PCDHGB5: variants seen among roughly 807,000 people sequenced by gnomAD.
PCDHGB5 encodes the protein protocadherin gamma-B5.
Under a neutral mutation model 62.9 loss-of-function variants are expected in PCDHGB5, and 48 were observed. The observed-to-expected ratio is 0.76, with a 90% CI of 0.61 to 0.97. PCDHGB5 has a LOEUF of 0.97. PCDHGB5 is among the 50% of genes least tolerant of loss of function. The probability of loss-of-function intolerance (pLI) is 0.00; values close to 1 mark genes in which losing one functional copy is unlikely to be tolerated. For synonymous variants in PCDHGB5, 474 were observed against 511.2 expected (o/e 0.93, Z 0.98); for missense variants, 1,118 against 1,198.6 (o/e 0.93, Z 0.99).
chr5:141,499,322 T>C (rs1186220818), intron 2 of PCDHGB5, among the ~76,000 whole-genome samples: 1 of 152,218 alleles, frequency 6.6e-6, no homozygotes, highest in Non-Finnish European at 1.5e-5. Context: ...ACAGTATCCC[T>C]GCTCTCTCTC....
At chr5:141,423,397 C>T (rs759822483) in intron 1 of PCDHGB5, 3 of 1,614,146 alleles carry the variant, frequency 1.9e-6, no homozygotes, top group East Asian at 2.2e-5. Context: ...GCATAAGTCA[C>T]GCCTGCTGCA....
intron 1 of PCDHGB5, chr5:141,407,996 T>G: frequency 1.1e-6 from 1 of 872,310 alleles, no homozygotes; most frequent in Middle Eastern, 3.6e-4. Flanking sequence ...GCCTCTGGCC[T>G]GGGATTCCCT....
In PCDHGB5 at chr5:141,502,614, T is replaced by C. The variant is rs534996288; in HGVS notation, c.2457-2779T>C. Among the ~76,000 whole-genome samples the C allele has an allele frequency of 7.2e-5, 11 of 152,316 alleles. No homozygotes were observed. In the East Asian group the frequency reaches 1.7e-3, roughly 24 times the overall value. ...AGATATTTTAAAATATTTGTGAAAATATAAGTAATCTGTGGATGATACTTT... is the reference window on the plus strand; with the variant it reads ...AGATATTTTAAAATATTTGTGAAAACATAAGTAATCTGTGGATGATACTTT... On this transcript the variant is annotated intron_variant, in intron 2 of 3. Transcript: ENST00000617380.
In PCDHGB5 at chr5:141,499,962, A is replaced by G. The variant is rs147527188; in HGVS notation, c.2456+5097A>G. Among the ~76,000 whole-genome samples the G allele has an allele frequency of 3.7e-3, 563 of 152,178 alleles. 5 individuals are homozygous for G. Among genetic ancestry groups the G allele is most frequent in the Admixed American group, 0.011 (164 of 15,288 alleles). On this transcript the variant is annotated intron_variant, in intron 2 of 3. Coordinates refer to ENST00000617380, the MANE Select transcript of PCDHGB5 (RefSeq NM_018925.3). ...CTCGGCCTCCCAAAATGTTGGGATT[A>G]CAGGTGTGAGCCACCTTGCCCGGCC...
chr5:141,438,231 TG>T (rs987686126), intron 1 of PCDHGB5, among the ~76,000 whole-genome samples: 1 of 152,082 alleles, frequency 6.6e-6, no homozygotes, highest in African/African-American at 2.4e-5. Context: ...TTCAGGAAAA[TG>T]TTTTTAAAAA....
Position 141,419,699 on chromosome 5 carries a change from C to G in PCDHGB5, c.2397+19175C>G, listed in dbSNP as rs1488905080. ...CTACCACGTGGTGCAGGCCAGTGAG[C>G]CCGGGCTCTTCAGCCTGGGGCTGCG... On this transcript the variant is annotated intron_variant, in intron 1 of 3. Coordinates refer to ENST00000617380, the MANE Select transcript of PCDHGB5 (RefSeq NM_018925.3). The G allele has an allele frequency of 5.6e-6, 9 of 1,612,806 alleles. No homozygotes were observed. The East Asian group carries it at 1.8e-4, about 32-fold the overall frequency.
chr5:141,472,795 G>A (rs939788734), intron 1 of PCDHGB5, among the ~76,000 whole-genome samples: 1 of 151,794 alleles, frequency 6.6e-6, no homozygotes, highest in Non-Finnish European at 1.5e-5. Flanking sequence ...AGATCAGCCT[G>A]ACCAACATGG....
intron 1 of PCDHGB5, chr5:141,407,933 TG>T: frequency 2.0e-6 from 1 of 505,054 alleles, no homozygotes; most frequent in Non-Finnish European, 3.4e-6. Flanking sequence ...ACGGAGCCTC[TG>T]GGCGCCGCTG....
chr5:141,418,157 A>G, intron 1 of PCDHGB5: 1 of 1,614,074 alleles, frequency 6.2e-7, no homozygotes, highest in Non-Finnish European at 8.5e-7. Context: ...CAAAGAGAGA[A>G]GAAGATGTGA....
chr5:141,491,795 C>G lies in PCDHGB5; in HGVS notation c.2398-3012C>G. The G allele has an allele frequency of 6.6e-7, 1 of 1,511,694 alleles. No individual in the cohort carries two copies. The highest frequency in any genetic ancestry group is 8.8e-7 in the Non-Finnish European group (1 of 1,130,430). The allele number at this position is 1,511,694 out of a possible 1,614,324, so 93.6% of individuals were successfully genotyped here. On this transcript the variant is annotated intron_variant, in intron 1 of 3. Transcript: ENST00000617380. The surrounding 1 kb of genome is among the most constrained non-coding windows in gnomAD (Gnocchi z 6.9). ...GGATTGAACTTGCATCCACTCCTCT[C>G]CGGCCGGCTTGGTCGCTGGCTGCGC...
intron 1 of PCDHGB5, chr5:141,423,309 G>T (rs1401836240): frequency 6.2e-7 from 1 of 1,614,176 alleles, no homozygotes; most frequent in South Asian, 1.1e-5. Context: ...CGCTGTACTT[G>T]GTGGTGGCGG....
At chr5:141,467,280 T>G (rs1021597111) in intron 1 of PCDHGB5, among the ~76,000 whole-genome samples, 58 of 152,272 alleles carry the variant, frequency 3.8e-4, no homozygotes, top group Admixed American at 2.6e-4. Flanking sequence ...CTCGAACTCT[T>G]GACCTCAAGT....
At chr5:141,454,131 G>A (rs754465889) in intron 1 of PCDHGB5, among the ~76,000 whole-genome samples, 2 of 152,334 alleles carry the variant, frequency 1.3e-5, no homozygotes, top group South Asian at 2.1e-4. Flanking sequence ...AGCTGACCAT[G>A]GGAATGTTCA....
At position 141,477,530 on chromosome 5, in the gene PCDHGB5, C is replaced by A; in HGVS notation, c.2398-17277C>A. The A allele has an allele frequency of 6.2e-7, 1 of 1,614,186 alleles. No homozygotes were observed. The highest frequency in any genetic ancestry group is 1.1e-5 in the South Asian group (1 of 91,082). ...CGTTTACATTGAAGAAAACAACCTCCCCGGGGCTCCAATACTAAACCTAAG... is the reference window on the plus strand; with the variant it reads ...CGTTTACATTGAAGAAAACAACCTCACCGGGGCTCCAATACTAAACCTAAG... On this transcript the variant is annotated intron_variant, in intron 1 of 3. Coordinates refer to ENST00000617380, the MANE Select transcript of PCDHGB5 (RefSeq NM_018925.3). The surrounding 1 kb of genome is among the most constrained non-coding windows in gnomAD (Gnocchi z 4.9).
Position 141,487,613 on chromosome 5 carries a change from G to C in PCDHGB5, c.2398-7194G>C, listed in dbSNP as rs1460090760. 1 of 1,614,218 alleles carries C rather than the reference G, an allele frequency of 6.2e-7. No homozygotes were observed. ...ACCCTCTGATCTTCTCTATGGGCTA[G>C]AGGTGAGACCTTTGCAGGCTCAACA... On this transcript the variant is annotated intron_variant, in intron 1 of 3. Coordinates refer to ENST00000617380, the MANE Select transcript of PCDHGB5 (RefSeq NM_018925.3). The surrounding 1 kb of genome is among the most constrained non-coding windows in gnomAD (Gnocchi z 5.0).
At chr5:141,465,337 G>GCC (rs2099101328) in intron 1 of PCDHGB5, among the ~76,000 whole-genome samples, 6 of 151,962 alleles carry the variant, frequency 3.9e-5, no homozygotes, top group Admixed American at 2.6e-4. Flanking sequence ...TTTTTATATT[G>GCC]GTTACTGAAG....
At chr5:141,457,568 T>A (rs1397626206) in intron 1 of PCDHGB5, among the ~76,000 whole-genome samples, 1 of 152,190 alleles carries the variant, frequency 6.6e-6, no homozygotes, top group African/African-American at 2.4e-5. Context: ...TGGAGCAAAA[T>A]TTTTCTCTCC....
intron 1 of PCDHGB5, chr5:141,411,436 T>C (rs2095489663): frequency 6.7e-6 from 1 of 149,586 alleles, no homozygotes; most frequent in South Asian, 2.1e-4. Flanking sequence ...AAAAAAACAT[T>C]AGCAGAGTGT....
At position 141,446,758 on chromosome 5, in the gene PCDHGB5, C is replaced by T. The variant is rs776925316; in HGVS notation, c.2397+46234C>T. Among the ~76,000 whole-genome samples, 10 of 152,208 alleles carry T rather than the reference C, an allele frequency of 6.6e-5. 1 individual carries two copies. Among genetic ancestry groups the T allele is most frequent in the African/African-American group, 9.7e-5 (4 of 41,448 alleles). On this transcript the variant is annotated intron_variant, in intron 1 of 3. Transcript: ENST00000617380. ...TGGGGATTACAGGCGTGAGCCACCG[C>T]GCCCAGCCGGTTACCATTCTTTTAC...
Sources: gnomAD v4.1 joint callset for allele counts (sites outside exome capture counted in the v4.1 genomes callset) on GRCh38, gnomAD v4.1.1 for gene constraint, Gnocchi (gnomAD v3.1) non-coding constraint, MANE v1.5 for transcripts, NCBI Gene and HGNC (gene_info 2026-07-23, HGNC 2026-07-21) for gene names.